CACNA1D: variants seen among roughly 807,000 people sequenced by gnomAD.
CACNA1D encodes voltage-dependent L-type calcium channel subunit alpha-1D.
CACNA1D carries 55 observed loss-of-function variants against 257.1 expected under a neutral mutation model. The ratio of observed to expected loss-of-function variants is 0.21; its 90% CI spans 0.17 to 0.27. The LOEUF (loss-of-function observed/expected upper bound fraction) is 0.27, where lower values mean the gene tolerates loss of function less well. CACNA1D is among the 10% of genes least tolerant of loss of function. CACNA1D has a pLI of 1.00. For synonymous variants in CACNA1D, 980 were observed against 1,014.9 expected, an observed-to-expected ratio of 0.97 and a Z score of 0.65; for missense variants, 1,876 against 2,784.0, an observed-to-expected ratio of 0.67 and a Z score of 7.34.
chr3:53,796,260 G>A, intron 40 of CACNA1D: 1 of 450,686 alleles, frequency 2.2e-6, no homozygotes, highest in Admixed American at 2.4e-5. Context: ...GCTGAGTGCA[G>A]CCTGCCTGTG....
chr3:53,745,067 T>C (rs2095154461), intron 23 of CACNA1D, among the ~76,000 whole-genome samples: 1 of 152,210 alleles, frequency 6.6e-6, no homozygotes, highest in Non-Finnish European at 1.5e-5. Flanking sequence ...ATTTATTACC[T>C]TTTTATTAGT....
At chr3:53,585,523 G>A (rs1424843673) in intron 3 of CACNA1D, among the ~76,000 whole-genome samples, 1 of 152,130 alleles carries the variant, frequency 6.6e-6, no homozygotes, top group Admixed American at 6.6e-5. Context: ...TTTCATTACA[G>A]CATTATCAAA....
intron 9 of CACNA1D, among the ~76,000 whole-genome samples, chr3:53,712,060 G>A (rs947816935): frequency 1.3e-5 from 2 of 152,196 alleles, no homozygotes; most frequent in Non-Finnish European, 1.5e-5. Flanking sequence ...GACTGACATA[G>A]GAATATAGCT....
At chr3:53,643,430 A>G (rs2093984526) in intron 3 of CACNA1D, among the ~76,000 whole-genome samples, 1 of 152,082 alleles carries the variant, frequency 6.6e-6, no homozygotes, top group Admixed American at 6.5e-5. Context: ...TGAAACGTGT[A>G]GGGTCGTGAG....
At chr3:53,684,517 G>A (rs372239698) in intron 8 of CACNA1D, among the ~76,000 whole-genome samples, 3 of 151,848 alleles carry the variant, frequency 2.0e-5, no homozygotes, top group African/African-American at 7.2e-5. Flanking sequence ...CAGCTACTCT[G>A]GAGGCTGAGG....
chr3:53,672,813 T>C (rs1469189110), intron 7 of CACNA1D, among the ~76,000 whole-genome samples: 2 of 123,122 alleles, frequency 1.6e-5, no homozygotes, highest in African/African-American at 6.7e-5. Flanking sequence ...TGTGTGTGTG[T>C]GTGTGTATGG....
At chr3:53,664,492 C>T (rs939784361) in intron 5 of CACNA1D, among the ~76,000 whole-genome samples, 1 of 152,228 alleles carries the variant, frequency 6.6e-6, no homozygotes, top group African/African-American at 2.4e-5. Flanking sequence ...GGATTCAACA[C>T]CCACAACCCT....
intron 3 of CACNA1D, among the ~76,000 whole-genome samples, chr3:53,505,211 C>T (rs934254489): frequency 7.0e-6 from 1 of 143,358 alleles, no homozygotes; most frequent in African/African-American, 2.6e-5. Context: ...GGGGTTCATA[C>T]CTCTCTCCTG....
rs183882327 is a variant in CACNA1D at position 53,706,684 on chromosome 3, C to T, written c.1390+3874C>T. On this transcript the variant is annotated intron_variant, in intron 9 of 47. Transcript: ENST00000350061. ...TCTGTGACATGGACATATTACATAG[C>T]GGTGAAGTCTGGGCTTTTAGTGTAA... Among the ~76,000 whole-genome samples, 52 of 152,206 alleles carry T rather than the reference C, an allele frequency of 3.4e-4. No homozygotes were observed. The South Asian group carries it at 3.5e-3, about 10-fold the overall frequency.
rs533806147 is a variant in CACNA1D, at chr3:53,733,855, G to A, written c.2621+893G>A. Among the ~76,000 whole-genome samples the A allele has an allele frequency of 3.4e-5, 5 of 149,246 alleles. No individual in the cohort carries two copies. The East Asian group carries it at 9.8e-4, about 29-fold the overall frequency. ...TAGCTTTTACAGCTCACCACTGTTT[G>A]GGTGTTCTTTAAAAAAAAAAGGTTA... On this transcript the variant is annotated intron_variant, in intron 19 of 47. Transcript: ENST00000350061.
intron 40 of CACNA1D, among the ~76,000 whole-genome samples, chr3:53,790,718 G>A (rs1213826477): frequency 3.3e-5 from 5 of 152,180 alleles, no homozygotes; most frequent in East Asian, 1.9e-4. Flanking sequence ...GATGTGCCCC[G>A]CGTGGTCTTC....
chr3:53,638,809 A>G (rs1455697777), intron 3 of CACNA1D, among the ~76,000 whole-genome samples: 6 of 152,022 alleles, frequency 3.9e-5, no homozygotes. Context: ...GGACAGATAC[A>G]CTCCCAACAG....
At chr3:53,719,004 G>A (rs1354892703) in intron 10 of CACNA1D, among the ~76,000 whole-genome samples, 1 of 149,724 alleles carries the variant, frequency 6.7e-6, no homozygotes, top group East Asian at 2.0e-4. Context: ...TTTTCTAGAT[G>A]ATTTGGGCTG....
At position 53,718,408 on chromosome 3, in the gene CACNA1D, G is replaced by A. The variant is rs368352738; in HGVS notation, c.1478+20G>A. 7.5e-6 allele frequency: 12 copies of A among 1,602,632 alleles called. No homozygotes were observed. The highest frequency in any genetic ancestry group is 3.3e-5 in the Admixed American group (2 of 60,006). ...TCTCTGGTGAGTGTGGGGAGCACTT[G>A]CCCTCTTTCCCCTCCTGTTGTCTCA... On this transcript the variant is annotated intron_variant, in intron 10 of 47. Transcript: ENST00000350061.
At chr3:53,594,776 T>G (rs895349541) in intron 3 of CACNA1D, among the ~76,000 whole-genome samples, 1 of 152,254 alleles carries the variant, frequency 6.6e-6, no homozygotes, top group African/African-American at 2.4e-5. Flanking sequence ...GTTAGTACAA[T>G]TCCACACCCT....
chr3:53,802,715 G>C (rs2359133), intron 43 of CACNA1D, among the ~76,000 whole-genome samples: 106,159 of 152,156 alleles, frequency 0.7, 37,780 homozygotes, highest in African/African-American at 0.84. Flanking sequence ...GTCATGTTAT[G>C]AAGTGAAGTC....
At chr3:53,508,772 G>A (rs2090974629) in intron 3 of CACNA1D, among the ~76,000 whole-genome samples, 1 of 152,186 alleles carries the variant, frequency 6.6e-6, no homozygotes, top group African/African-American at 2.4e-5. Flanking sequence ...GAGACACTTG[G>A]GTGTTAAATA....
intron 14 of CACNA1D, among the ~76,000 whole-genome samples, chr3:53,726,056 A>G (rs2094931550): frequency 6.6e-6 from 1 of 152,214 alleles, no homozygotes; most frequent in Admixed American, 6.5e-5. Context: ...ATCCATTTCC[A>G]CAGTTGATGG....
chr3:53,781,426 G>A, intron 38 of CACNA1D, 140 bp from the exon 39 acceptor site: 1 of 689,726 alleles, frequency 1.4e-6, no homozygotes, highest in Non-Finnish European at 2.7e-6. Context: ...CCCCTGACTG[G>A]GGAGAGCCTG....
Sources: allele counts gnomAD v4.1 joint callset (sites outside exome capture counted in the v4.1 genomes callset), GRCh38; gene constraint gnomAD v4.1.1; transcripts MANE v1.5; gene names NCBI Gene and HGNC (gene_info 2026-07-23, HGNC 2026-07-21).